Variants in KCNB2 observed in about 807,000 individuals in gnomAD.
KCNB2 encodes the protein potassium voltage-gated channel subfamily B member 2.
KCNB2 carries 15 observed loss-of-function variants against 61.5 expected under a neutral mutation model. That is an observed-to-expected ratio of 0.24 (90% CI 0.16 to 0.38). The LOEUF is 0.38. Among genes scored for constraint, KCNB2 ranks in the 10% least tolerant of loss-of-function variants. KCNB2 has a pLI of 1.00. For synonymous variants in KCNB2, 457 were observed against 446.0 expected (o/e 1.02, Z -0.31); for missense variants, 828 against 1,125.2 (o/e 0.74, Z 3.78).
At position 72,738,595 on chromosome 8, in the gene KCNB2, C is replaced by A. The variant is rs142883301; in HGVS notation, c.579+170282C>A. Among the ~76,000 whole-genome samples the A allele has an allele frequency of 2.2e-3, 328 of 152,248 alleles. 2 individuals carry two copies. The highest frequency in any genetic ancestry group is 7.3e-3 in the African/African-American group (305 of 41,564). ...TATGCCAATGCATTAATGTGGGGAG[C>A]CACATAAAGCCCTTGATGCCCTCTG... On this transcript the variant is annotated intron_variant, in intron 2 of 2. Coordinates refer to ENST00000523207, the MANE Select transcript of KCNB2 (RefSeq NM_004770.3).
intron 2 of KCNB2, among the ~76,000 whole-genome samples, chr8:72,892,793 G>T (rs1805920222): frequency 6.6e-6 from 1 of 151,890 alleles, no homozygotes; most frequent in Admixed American, 6.6e-5. Context: ...CTGTTACCCA[G>T]GGAAAATTTT....
chr8:72,749,760 A>C (rs1808155002), intron 2 of KCNB2, among the ~76,000 whole-genome samples: 1 of 146,770 alleles, frequency 6.8e-6, no homozygotes, highest in Admixed American at 6.9e-5. Context: ...ATATGCCAAT[A>C]TATATTTGTA....
chr8:72,681,067 T>C (rs2128989076), intron 2 of KCNB2, among the ~76,000 whole-genome samples: 1 of 152,196 alleles, frequency 6.6e-6, no homozygotes, highest in Admixed American at 6.5e-5. Flanking sequence ...TGACAACTGG[T>C]TTTATATTAA....
At chr8:72,555,866 G>A (rs1030708098) in intron 1 of KCNB2, among the ~76,000 whole-genome samples, 27 of 151,770 alleles carry the variant, frequency 1.8e-4, no homozygotes, top group Admixed American at 1.3e-3. Context: ...CCATTAACTC[G>A]TCATTTAGCA....
chr8:72,898,785 A>C (rs951485996), intron 2 of KCNB2, among the ~76,000 whole-genome samples: 2 of 152,174 alleles, frequency 1.3e-5, no homozygotes, highest in Non-Finnish European at 2.9e-5. Context: ...ATAGTACCCA[A>C]TAGGTAGTTT....
chr8:72,666,337 A>G (rs1324137126), intron 2 of KCNB2, among the ~76,000 whole-genome samples: 2 of 92,178 alleles, frequency 2.2e-5, no homozygotes, highest in African/African-American at 1.4e-4. Flanking sequence ...TAAAAGAGGG[A>G]AAAAAGGCCC....
intron 2 of KCNB2, among the ~76,000 whole-genome samples, chr8:72,657,314 AAG>A (rs1343548006): frequency 2.0e-5 from 3 of 152,168 alleles, no homozygotes; most frequent in African/African-American, 7.2e-5. Flanking sequence ...ATTCTTAGAA[AAG>A]AAGCCACTAA....
intron 2 of KCNB2, among the ~76,000 whole-genome samples, chr8:72,582,726 C>T (rs548028031): frequency 6.6e-6 from 1 of 152,266 alleles, no homozygotes; most frequent in African/African-American, 2.4e-5. Context: ...AATTCTCCTG[C>T]CTCAGCCTCC....
intron 2 of KCNB2, among the ~76,000 whole-genome samples, chr8:72,884,427 A>G (rs1429514007): frequency 6.6e-6 from 1 of 151,702 alleles, no homozygotes; most frequent in African/African-American, 2.4e-5. Flanking sequence ...GTGTTGTGGG[A>G]GCTTTTGTTT....
At chr8:72,584,445 C>G (rs1291814652) in intron 2 of KCNB2, among the ~76,000 whole-genome samples, 1 of 151,910 alleles carries the variant, frequency 6.6e-6, no homozygotes, top group Non-Finnish European at 1.5e-5. Flanking sequence ...GGATGCAGTC[C>G]TTTTTGTTTT....
At chr8:72,809,088 G>A (rs1351924683) in intron 2 of KCNB2, among the ~76,000 whole-genome samples, 2 of 152,110 alleles carry the variant, frequency 1.3e-5, no homozygotes, top group South Asian at 2.1e-4. Flanking sequence ...CATATATGAA[G>A]TATGACATGG....
intron 2 of KCNB2, among the ~76,000 whole-genome samples, chr8:72,926,764 C>T (rs548212173): frequency 2.3e-4 from 35 of 152,168 alleles, no homozygotes; most frequent in Non-Finnish European, 4.4e-4. Flanking sequence ...CGAGATTCTA[C>T]TTCATATATA....
intron 2 of KCNB2, among the ~76,000 whole-genome samples, chr8:72,893,297 A>G (rs537979164): frequency 6.6e-6 from 1 of 152,036 alleles, no homozygotes; most frequent in Non-Finnish European, 1.5e-5. Context: ...TAAATTTATT[A>G]TTTTTTATTT....
intron 2 of KCNB2, among the ~76,000 whole-genome samples, chr8:72,792,836 A>G (rs1390945924): frequency 6.6e-6 from 1 of 152,242 alleles, no homozygotes; most frequent in Non-Finnish European, 1.5e-5. Flanking sequence ...TGTCAGCCAT[A>G]TGGAAGATAG....
chr8:72,875,165 T>G (rs1361847918), intron 2 of KCNB2: 1 of 152,198 alleles, frequency 6.6e-6, no homozygotes, highest in Admixed American at 6.5e-5. Context: ...AGCGGAGGCT[T>G]CCTCCCAAGG....
chr8:72,660,837 A>T (rs1170354376), intron 2 of KCNB2: 1 of 152,170 alleles, frequency 6.6e-6, no homozygotes. Flanking sequence ...ATGAAAATTC[A>T]TTCTTTAATA....
chr8:72,731,141 GGTGA>G (rs1008289003), intron 2 of KCNB2, among the ~76,000 whole-genome samples: 3 of 152,128 alleles, frequency 2.0e-5, no homozygotes, highest in Admixed American at 6.5e-5. Context: ...TGGATGGAAG[GGTGA>G]GTGAGTGAGT....
chr8:72,600,709 C>T (rs548091892), intron 2 of KCNB2, among the ~76,000 whole-genome samples: 98 of 152,092 alleles, frequency 6.4e-4, no homozygotes, highest in Middle Eastern at 3.4e-3. Flanking sequence ...GAGCTGGAGA[C>T]TATTATCCTT....
At chr8:72,720,868 T>C (rs1161223689) in intron 2 of KCNB2, among the ~76,000 whole-genome samples, 1 of 152,240 alleles carries the variant, frequency 6.6e-6, no homozygotes, top group Non-Finnish European at 1.5e-5. Flanking sequence ...CTTTTCGTTA[T>C]AACTCTCATG....
Sources: gnomAD v4.1 joint callset for allele counts (sites outside exome capture counted in the v4.1 genomes callset) on GRCh38, gnomAD v4.1.1 for gene constraint, MANE v1.5 for transcripts, NCBI Gene and HGNC (gene_info 2026-07-23, HGNC 2026-07-21) for gene names.